Variants in RAPGEF2 observed in about 807,000 individuals in gnomAD.
RAPGEF2 encodes the protein Rap guanine nucleotide exchange factor 2, also known as PDZ domain containing guanine nucleotide exchange factor (GEF) 1.
A neutral mutation model predicts 186.7 loss-of-function variants in RAPGEF2; 54 were observed. The ratio of observed to expected loss-of-function variants is 0.29; its 90% CI spans 0.23 to 0.36. RAPGEF2 has a LOEUF of 0.36. Among genes scored for constraint, RAPGEF2 ranks in the 10% least tolerant of loss-of-function variants. The probability of loss-of-function intolerance (pLI) is 1.00; values close to 1 mark genes in which losing one functional copy is unlikely to be tolerated. For synonymous variants in RAPGEF2, 712 were observed against 705.9 expected (o/e 1.01, Z -0.14); for missense variants, 1,532 against 2,045.0 (o/e 0.75, Z 4.84).
chr4:159,194,313 GTGT>G (rs753096447), intron 3 of RAPGEF2, among the ~76,000 whole-genome samples: 3 of 152,208 alleles, frequency 2.0e-5, no homozygotes, highest in Admixed American at 6.5e-5. Context: ...GGTCAAGAAC[GTGT>G]TGTTCAGAAA....
Position 159,353,436 on chromosome 4 carries a change from TA to T in RAPGEF2, c.4092-50del. 7.3e-7 allele frequency: 1 copy of T among 1,364,678 alleles called. No homozygotes were observed. Among genetic ancestry groups the T allele is most frequent in the Non-Finnish European group, 9.7e-7 (1 of 1,032,194 alleles). The allele number at this position is 1,364,678 out of a possible 1,614,324, so 84.5% of individuals were successfully genotyped here. ...TATTTTGGTTTTATCATAGGTGAAT[TA>T]GTTATCAATCTTGTTTTTTTTTTCT... On this transcript the variant is annotated intron_variant, in intron 27 of 29. Coordinates refer to ENST00000691494, the MANE Select transcript of RAPGEF2 (RefSeq NM_001394067.2). This position sits in a 1 kb window ranked among gnomAD's most constrained non-coding sequence, Gnocchi z 4.3.
At chr4:159,251,261 C>T (rs142579842) in intron 7 of RAPGEF2, among the ~76,000 whole-genome samples, 211 of 152,376 alleles carry the variant, frequency 1.4e-3, no homozygotes, top group African/African-American at 3.9e-3. Flanking sequence ...CGACGGGCGC[C>T]GTCCCTTGCT....
intron 17 of RAPGEF2, among the ~76,000 whole-genome samples, chr4:159,333,744 C>A (rs1767009152): frequency 6.6e-6 from 1 of 152,190 alleles, no homozygotes; most frequent in Non-Finnish European, 1.5e-5. Flanking sequence ...AGCCATTTCT[C>A]ACTGTGCCAC....
chr4:159,123,539 CTTT>C (rs1194385402), intron 1 of RAPGEF2, among the ~76,000 whole-genome samples: 9 of 133,676 alleles, frequency 6.7e-5, no homozygotes, highest in Non-Finnish European at 8.2e-5. Context: ...GGATTTTTAT[CTTT>C]TTTTTTTTTT....
chr4:159,181,784 G>A (rs909753715), intron 1 of RAPGEF2, among the ~76,000 whole-genome samples: 4 of 152,032 alleles, frequency 2.6e-5, no homozygotes, highest in Non-Finnish European at 5.9e-5. Flanking sequence ...TCATCCACCC[G>A]CCTCGGCCTC....
chr4:159,203,994 T>G (rs1016174424), intron 3 of RAPGEF2, among the ~76,000 whole-genome samples: 5 of 152,208 alleles, frequency 3.3e-5, no homozygotes, highest in Non-Finnish European at 7.3e-5. Context: ...CATTTCCTGC[T>G]TCCTTCATGG....
At chr4:159,205,585 T>C (rs1749885443) in intron 3 of RAPGEF2, among the ~76,000 whole-genome samples, 1 of 152,152 alleles carries the variant, frequency 6.6e-6, no homozygotes. Flanking sequence ...TGGGAGGTGA[T>C]TGGATCATGG....
At chr4:159,120,465 G>C (rs925060094) in intron 1 of RAPGEF2, among the ~76,000 whole-genome samples, 16 of 152,158 alleles carry the variant, frequency 1.1e-4, no homozygotes, top group African/African-American at 3.9e-4. Flanking sequence ...TGTTATACAA[G>C]ATTAGCTTTG....
At chr4:159,107,717 G>A (rs12639886) in intron 1 of RAPGEF2, among the ~76,000 whole-genome samples, 53,183 of 151,958 alleles carry the variant, frequency 0.35, 10,735 homozygotes, top group East Asian at 0.6. Context: ...AGAATTCATC[G>A]TGAGTCATAA....
Position 159,116,103 on chromosome 4 carries a change from AAAG to A in RAPGEF2, c.69+11874_69+11876del, listed in dbSNP as rs1169504538. ...TTGACAAATAGGATCTAATTAAACTAAAGAGCCTCTGCACAGCAAAAAAAACTA... is the reference window on the plus strand; with the variant it reads ...TTGACAAATAGGATCTAATTAAACTAAGCCTCTGCACAGCAAAAAAAACTA... On this transcript the variant is annotated intron_variant, in intron 1 of 29. Coordinates refer to ENST00000691494, the MANE Select transcript of RAPGEF2 (RefSeq NM_001394067.2). Among the ~76,000 whole-genome samples the A allele has an allele frequency of 2.6e-5, 4 of 152,104 alleles. No homozygotes were observed. The South Asian group carries it at 6.2e-4, about 24-fold the overall frequency.
intron 8 of RAPGEF2, among the ~76,000 whole-genome samples, chr4:159,309,007 C>T (rs1227912855): frequency 6.6e-6 from 1 of 152,134 alleles, no homozygotes; most frequent in Admixed American, 6.5e-5. Context: ...AGTGATTTCC[C>T]TCTGCTCTGT....
At position 159,201,331 on chromosome 4, in the gene RAPGEF2, A is replaced by C. The variant is rs192996156; in HGVS notation, c.197+8075A>C. Among the ~76,000 whole-genome samples the C allele has an allele frequency of 2.4e-3, 361 of 152,330 alleles. 1 individual carries two copies. The highest frequency in any genetic ancestry group is 8.4e-3 in the African/African-American group (351 of 41,568). On this transcript the variant is annotated intron_variant, in intron 3 of 29. Transcript: ENST00000691494. Reference sequence around the variant, plus strand: ...GCCATCTGTCTATTGGAAGGTGGCCATTGTTAGAACTTATTTTTTTGAAGC... The same window carrying C: ...GCCATCTGTCTATTGGAAGGTGGCCCTTGTTAGAACTTATTTTTTTGAAGC...
chr4:159,200,750 T>A (rs1309225231), intron 3 of RAPGEF2, among the ~76,000 whole-genome samples: 2 of 152,088 alleles, frequency 1.3e-5, no homozygotes, highest in African/African-American at 4.8e-5. Flanking sequence ...TTTTTGAAAA[T>A]CTTAAAATGG....
Position 159,353,657 on chromosome 4 carries a change from T to C in RAPGEF2, c.4262T>C (p.Ile1421Thr). 6.3e-7 allele frequency: 1 copy of C among 1,590,602 alleles called. No individual in the cohort carries two copies. The highest frequency in any genetic ancestry group is 8.5e-7 in the Non-Finnish European group (1 of 1,169,810). ...TGCTCAAGTGGCTCCCATGATAATA[T>C]ACAGACGATCCAGCACCAGAGAAGC... is the stretch of plus-strand genomic sequence containing the variant. The part of the protein sequence containing the change: ...TSCSSGSHDN[I>T]QTIQHQRSWE... The change falls in exon 28 of 30, where the codon ATA becomes ACA. Residue 1421 changes from isoleucine (I) to threonine (T), a missense_variant. By Grantham distance (89) the Ile-to-Thr change is moderately conservative (BLOSUM62 -1). Around this residue, in one of 4 missense-constraint regions of RAPGEF2, gnomAD observed 594 missense variants for 608.5 expected, o/e 0.98. Coordinates refer to ENST00000691494, the MANE Select transcript of RAPGEF2 (RefSeq NM_001394067.2). This position sits in a 1 kb window ranked among gnomAD's most constrained non-coding sequence, Gnocchi z 4.3.
chr4:159,289,048 T>C (rs1760859138), intron 7 of RAPGEF2, among the ~76,000 whole-genome samples: 1 of 152,188 alleles, frequency 6.6e-6, no homozygotes, highest in African/African-American at 2.4e-5. Flanking sequence ...TACTGATAGC[T>C]GAAATCTTTT....
intron 7 of RAPGEF2, among the ~76,000 whole-genome samples, chr4:159,246,515 C>G (rs779951646): frequency 1.3e-5 from 2 of 152,054 alleles, no homozygotes; most frequent in African/African-American, 4.8e-5. Context: ...CTAGGATATA[C>G]CTTAAATATC....
At chr4:159,106,548 A>T (rs1221420313) in intron 1 of RAPGEF2, among the ~76,000 whole-genome samples, 1 of 152,210 alleles carries the variant, frequency 6.6e-6, no homozygotes, top group Non-Finnish European at 1.5e-5. Flanking sequence ...AAAAGCAACC[A>T]TGTTAAATAA....
rs1491282307 is a variant in RAPGEF2, at chr4:159,198,335, T to TTTCTCTTTCTTTCTTTCTTTC, written c.197+5081_197+5082insCTCTTTCTTTCTTTCTTTCTT. On this transcript the variant is annotated intron_variant, in intron 3 of 29. Coordinates refer to ENST00000691494, the MANE Select transcript of RAPGEF2 (RefSeq NM_001394067.2). ...CTTTCTTTCTTTCTTTCTTTCTTTC[T>TTTCTCTTTCTTTCTTTCTTTC]TTTTCTTTCTCTCTCTTTCCTTCCT... 2.7e-3 allele frequency among the ~76,000 whole-genome samples: 117 copies of TTTCTCTTTCTTTCTTTCTTTC among 43,556 alleles called. 2 individuals carry two copies. Among genetic ancestry groups the TTTCTCTTTCTTTCTTTCTTTC allele is most frequent in the Middle Eastern group, 9.6e-3 (1 of 104 alleles). 28.6% of individuals were successfully genotyped at this position (43,556 alleles called of 152,430 possible). A position where few individuals can be genotyped will look rare whatever the true frequency, so the allele number is the denominator to read the frequency against.
At chr4:159,346,433 A>G (rs867341792) in intron 24 of RAPGEF2, among the ~76,000 whole-genome samples, 1 of 152,220 alleles carries the variant, frequency 6.6e-6, no homozygotes, top group Non-Finnish European at 1.5e-5. Context: ...ATAGTGCCTG[A>G]TGACTTTTCT....
Sources: gnomAD v4.1 joint callset for allele counts (sites outside exome capture counted in the v4.1 genomes callset) on GRCh38, gnomAD v4.1.1 for gene constraint, gnomAD v4.1.1 regional missense constraint, Gnocchi (gnomAD v3.1) non-coding constraint, MANE v1.5 for transcripts, NCBI Gene and HGNC (gene_info 2026-07-23, HGNC 2026-07-21) for gene names.